Variants in SAMD5 observed in about 807,000 individuals in gnomAD.
SAMD5 encodes the protein sterile alpha motif domain-containing protein 5.
A neutral mutation model predicts 11.3 loss-of-function variants in SAMD5; 13 were observed. That is an observed-to-expected ratio of 1.15 (90% confidence interval 0.75 to 1.83). The LOEUF (loss-of-function observed/expected upper bound fraction) is 1.83, where lower values mean the gene tolerates loss of function less well. Ranked by LOEUF, SAMD5 falls within the 40% of genes most tolerant of loss-of-function variation. The pLI is 0.00. For missense variants in SAMD5, 255 were observed against 239.1 expected (o/e 1.07, Z -0.44); for synonymous variants, 129 against 111.3 (o/e 1.16, Z -1.00).
At chr6:147,887,715 A>G in the SAMD5 span, among the ~76,000 whole-genome samples, 2 of 152,186 alleles carry the variant, frequency 1.3e-5, no homozygotes, top group East Asian at 3.8e-4. Context: ...AGTGGGTCAT[A>G]TGGTACCTAT....
intron 1 of SAMD5, among the ~76,000 whole-genome samples, chr6:147,587,631 T>C (rs1234402091): frequency 6.6e-6 from 1 of 152,178 alleles, no homozygotes; most frequent in East Asian, 1.9e-4. Context: ...TGAGAGATCA[T>C]CTACTCCCAT....
the SAMD5 span, among the ~76,000 whole-genome samples, chr6:147,864,642 C>T: frequency 9.2e-5 from 14 of 152,214 alleles, no homozygotes; most frequent in African/African-American, 2.2e-4. Context: ...CGAGAACCTA[C>T]AGTCACTTTT....
chr6:147,833,723 C>T, the SAMD5 span, among the ~76,000 whole-genome samples: 1 of 152,130 alleles, frequency 6.6e-6, no homozygotes, highest in South Asian at 2.1e-4. Context: ...TCAAGAAATA[C>T]TTTTCTATTT....
At chr6:147,793,812 G>T in the SAMD5 span, among the ~76,000 whole-genome samples, 12 of 152,222 alleles carry the variant, frequency 7.9e-5, no homozygotes, top group Middle Eastern at 3.4e-3. Flanking sequence ...CATTGTCTTG[G>T]TTACTGTAGC....
intron 1 of SAMD5, among the ~76,000 whole-genome samples, chr6:147,556,184 T>C (rs1006789770): frequency 2.6e-5 from 4 of 152,060 alleles, no homozygotes; most frequent in Non-Finnish European, 5.9e-5. Context: ...GCTCCGCCTC[T>C]TGGGCTCATG....
intron 1 of SAMD5, among the ~76,000 whole-genome samples, chr6:147,605,160 C>T (rs1471784245): frequency 1.3e-5 from 2 of 152,118 alleles, no homozygotes; most frequent in Non-Finnish European, 2.9e-5. Context: ...GCTCTGTTTT[C>T]CAGGCTGGAG....
the SAMD5 span, among the ~76,000 whole-genome samples, chr6:147,870,739 G>A: frequency 9.0e-5 from 13 of 144,542 alleles, no homozygotes; most frequent in Middle Eastern, 3.6e-3. Flanking sequence ...ATCTGGAGGC[G>A]AGGGGAGAGG....
intron 1 of SAMD5, among the ~76,000 whole-genome samples, chr6:147,605,329 G>C (rs1789683974): frequency 6.6e-6 from 1 of 152,128 alleles, no homozygotes; most frequent in South Asian, 2.1e-4. Flanking sequence ...TGGCCAAGCT[G>C]ATCTTAAACT....
chr6:147,790,100 C>A, the SAMD5 span, among the ~76,000 whole-genome samples: 1 of 152,122 alleles, frequency 6.6e-6, no homozygotes, highest in African/African-American at 2.4e-5. Flanking sequence ...ATCTGAAAAC[C>A]TAAATCCAAA....
intron 1 of SAMD5, among the ~76,000 whole-genome samples, chr6:147,517,542 C>T (rs1855374): frequency 0.47 from 71,423 of 151,636 alleles, 19,538 homozygotes; most frequent in African/African-American, 0.77. Context: ...TTCTGTGTAC[C>T]GGAGGATGCA....
chr6:147,706,296 A>C (rs1172477034), intron 1 of SAMD5, among the ~76,000 whole-genome samples: 1 of 152,018 alleles, frequency 6.6e-6, no homozygotes, highest in Non-Finnish European at 1.5e-5. Context: ...ATCTTGGCTC[A>C]CTGCAACCTC....
chr6:147,862,497 C>T, the SAMD5 span, among the ~76,000 whole-genome samples: 7 of 152,170 alleles, frequency 4.6e-5, no homozygotes, highest in Non-Finnish European at 8.8e-5. Context: ...TGGAGCTCCA[C>T]GCACCCCCTC....
At chr6:147,684,653 G>T (rs1386128211) in intron 1 of SAMD5, among the ~76,000 whole-genome samples, 2 of 152,132 alleles carry the variant, frequency 1.3e-5, no homozygotes, top group East Asian at 1.9e-4. Context: ...TGAGCATCCT[G>T]GAATGCGTGC....
chr6:147,874,816 T>G, the SAMD5 span, among the ~76,000 whole-genome samples: 2 of 151,894 alleles, frequency 1.3e-5, no homozygotes, highest in Non-Finnish European at 2.9e-5. Context: ...TTTACTTTAA[T>G]TTTAGTGGTC....
chr6:147,730,764 C>G lies in SAMD5; in HGVS notation c.163-6553C>G, dbSNP rs151303164. 6.7e-3 allele frequency among the ~76,000 whole-genome samples: 1,013 copies of G among 152,196 alleles called. 11 individuals carry two copies. The highest frequency in any genetic ancestry group is 0.023 in the African/African-American group (966 of 41,508). On this transcript the variant is annotated intron_variant, in intron 1 of 1. Transcript: ENST00000566741. ...AAGAGGGGACAGAGAAAGGAGAAAG[C>G]AGAGACAACCAGGAGTTTTAAGGAA...
chr6:147,777,508 T>TA, the SAMD5 span, among the ~76,000 whole-genome samples: 5,204 of 152,246 alleles, frequency 0.034, 113 homozygotes, highest in Middle Eastern at 0.051. Flanking sequence ...CTCTCTTTTT[T>TA]AAAAAAGTTG....
At chr6:147,650,792 A>C (rs1790472429) in intron 1 of SAMD5, among the ~76,000 whole-genome samples, 1 of 152,118 alleles carries the variant, frequency 6.6e-6, no homozygotes, top group South Asian at 2.1e-4. Flanking sequence ...TGCGGTTTCC[A>C]TGTGTTCAGT....
intron 1 of SAMD5, among the ~76,000 whole-genome samples, chr6:147,537,670 C>G (rs1211927623): frequency 6.6e-6 from 1 of 151,578 alleles, no homozygotes; most frequent in African/African-American, 2.4e-5. Flanking sequence ...AGGAGAATGG[C>G]GGGTGAACCC....
the SAMD5 span, among the ~76,000 whole-genome samples, chr6:147,944,659 CCTT>C: frequency 6.6e-5 from 10 of 152,348 alleles, no homozygotes; most frequent in African/African-American, 2.4e-5. Context: ...AGAGATAACT[CCTT>C]CTTTCCTGTC....
Sources: allele counts gnomAD v4.1 joint callset (sites outside exome capture counted in the v4.1 genomes callset), GRCh38; gene constraint gnomAD v4.1.1; transcripts MANE v1.5; gene names NCBI Gene and HGNC (gene_info 2026-07-23, HGNC 2026-07-21).